The following DENND4C variants were observed in gnomAD, a reference collection of about 807,000 sequenced individuals.
DENND4C encodes DENN domain-containing protein 4C.
DENND4C carries 108 observed loss-of-function variants against 203.0 expected under a neutral mutation model. That is an observed-to-expected ratio of 0.53 (90% CI 0.46 to 0.62). The LOEUF (loss-of-function observed/expected upper bound fraction) is 0.62, where lower values mean the gene tolerates loss of function less well. Ranked by LOEUF, DENND4C falls within the 20% of genes least tolerant of loss-of-function variation. The probability of loss-of-function intolerance (pLI) is 0.00; values close to 1 mark genes in which losing one functional copy is unlikely to be tolerated. For missense variants in DENND4C, 2,481 were observed against 2,301.2 expected (o/e 1.08, Z -1.60); for synonymous variants, 871 against 792.4 (o/e 1.10, Z -1.67).
intron 1 of DENND4C, among the ~76,000 whole-genome samples, chr9:19,258,948 C>G (rs76786562): frequency 0.051 from 7,810 of 152,104 alleles, 350 homozygotes; most frequent in African/African-American, 0.12. Flanking sequence ...AGCCACCCTG[C>G]CTGGCCTAAA....
intron 2 of DENND4C, among the ~76,000 whole-genome samples, chr9:19,286,391 G>C (rs569495118): frequency 1.3e-5 from 2 of 152,036 alleles, no homozygotes; most frequent in African/African-American, 4.8e-5. Context: ...ATTATGAAGC[G>C]AATTTTTATG....
At chr9:19,281,832 T>G (rs1361159376) in intron 2 of DENND4C, among the ~76,000 whole-genome samples, 1 of 152,226 alleles carries the variant, frequency 6.6e-6, no homozygotes, top group African/African-American at 2.4e-5. Flanking sequence ...TACAGCATGT[T>G]ACTGGGGTAA....
At chr9:19,287,339 C>G (rs1303106508) in intron 3 of DENND4C, among the ~76,000 whole-genome samples, 1 of 152,110 alleles carries the variant, frequency 6.6e-6, no homozygotes, top group African/African-American at 2.4e-5. Context: ...GGTAGAAGCT[C>G]TCCTTACATT....
At chr9:19,303,682 A>G (rs1839055595) in intron 9 of DENND4C, among the ~76,000 whole-genome samples, 1 of 152,224 alleles carries the variant, frequency 6.6e-6, no homozygotes, top group Non-Finnish European at 1.5e-5. Context: ...CCAATCCTGA[A>G]TAACCCTCTG....
chr9:19,292,610 A>C (rs939908015), intron 5 of DENND4C: 1 of 151,444 alleles, frequency 6.6e-6, no homozygotes. Flanking sequence ...CAATGGCACA[A>C]TCTGGGCTCA....
rs1819285423 is a variant in DENND4C, at chr9:19,331,838, C to T, written c.2254-140C>T. On this transcript the variant is annotated intron_variant, in intron 16 of 32. Transcript: ENST00000434457. ...CCATTAACACTGATAAGCAGGAAGCCACTCACAAAAGTCAACTTTGAAGTG... is the reference window on the plus strand; with the variant it reads ...CCATTAACACTGATAAGCAGGAAGCTACTCACAAAAGTCAACTTTGAAGTG... 4.5e-6 allele frequency: 3 copies of T among 673,764 alleles called. No homozygotes were observed. In the East Asian group the frequency reaches 8.2e-5, roughly 18 times the overall value. 41.7% of individuals were successfully genotyped at this position (673,764 alleles called of 1,614,324 possible).
chr9:19,317,154 T>G (rs967686943), intron 12 of DENND4C, among the ~76,000 whole-genome samples: 2 of 151,748 alleles, frequency 1.3e-5, no homozygotes, highest in African/African-American at 4.8e-5. Context: ...ATTTCCTCAA[T>G]TTTGCATAGT....
chr9:19,342,893 A>G, intron 22 of DENND4C, 114 bp downstream of exon 22: 1 of 846,612 alleles, frequency 1.2e-6, no homozygotes, highest in Non-Finnish European at 1.6e-6. Flanking sequence ...CTAAAGAGCC[A>G]GAAGGGACTT....
chr9:19,289,310 A>G (rs539265891), intron 4 of DENND4C, among the ~76,000 whole-genome samples: 178 of 152,334 alleles, frequency 1.2e-3, no homozygotes, highest in Non-Finnish European at 2.0e-3. Context: ...AGTTGTAAAT[A>G]GAAAAGATAC....
At chr9:19,352,742 C>G in intron 26 of DENND4C, 77 bp downstream of exon 26, 1 of 1,199,852 alleles carries the variant, frequency 8.3e-7, no homozygotes, top group Non-Finnish European at 1.1e-6. Flanking sequence ...TGAAATATTC[C>G]TGGTATGCTC....
intron 2 of DENND4C, among the ~76,000 whole-genome samples, chr9:19,280,488 G>T (rs1486259097): frequency 1.3e-5 from 2 of 152,004 alleles, no homozygotes; most frequent in Non-Finnish European, 2.9e-5. Context: ...AGTTAAAATG[G>T]GTGTAAACAC....
At chr9:19,322,733 A>C (rs1357841532) in intron 12 of DENND4C, among the ~76,000 whole-genome samples, 1 of 104,750 alleles carries the variant, frequency 9.5e-6, no homozygotes, top group African/African-American at 5.7e-5. Context: ...CTTCATCTCA[A>C]AAAAAAAAAA....
At chr9:19,252,883 G>A (rs1194450071) in intron 1 of DENND4C, among the ~76,000 whole-genome samples, 1 of 152,020 alleles carries the variant, frequency 6.6e-6, no homozygotes, top group Non-Finnish European at 1.5e-5. Flanking sequence ...CCACAGGCAC[G>A]AGCCGCCACA....
At chr9:19,236,626 G>A (rs963163372) in intron 1 of DENND4C, among the ~76,000 whole-genome samples, 113 of 152,304 alleles carry the variant, frequency 7.4e-4, no homozygotes, top group African/African-American at 2.7e-3. Context: ...GAGACCGCAG[G>A]TTCATCATCC....
intron 31 of DENND4C, among the ~76,000 whole-genome samples, chr9:19,370,867 A>G (rs1828700140): frequency 6.6e-6 from 1 of 152,204 alleles, no homozygotes; most frequent in South Asian, 2.1e-4. Context: ...GTCCCCTTCA[A>G]GTTTTTTAGG....
rs1272546947 is a variant in DENND4C at position 19,335,010 on chromosome 9, C to T, written c.2494C>T (p.Leu832Phe). The change falls in exon 18 of 33, where the codon CTT becomes TTT. Residue 832 changes from leucine to phenylalanine, a missense_variant. By Grantham distance (22) the Leu-to-Phe change is conservative (BLOSUM62 0). Coordinates refer to ENST00000434457, the MANE Select transcript of DENND4C (RefSeq NM_001330640.2). ...CYRVVMQLCG[L>F]WGHPVLAVRV... ...TCGAGTAGTGATGCAGCTTTGTGGA[C>T]TTTGGGGTCATCCTGTTTTAGCAGT... The T allele has an allele frequency of 2.5e-6, 4 of 1,609,714 alleles. No individual in the cohort carries two copies. The East Asian group carries it at 8.9e-5, about 36-fold the overall frequency.
rs1825796811 is a variant in DENND4C at position 19,358,238 on chromosome 9, A to G, written c.5160+78A>G. On this transcript the variant is annotated intron_variant, in intron 28 of 32. Transcript: ENST00000434457. The surrounding 1 kb of genome is among the most constrained non-coding windows in gnomAD (Gnocchi z 4.8). Reference sequence around the variant, plus strand: ...AGTAGAACATTATAAATTCTTCTGTAGTGGACTTATTTTAATTACATGAAA... The same window carrying G: ...AGTAGAACATTATAAATTCTTCTGTGGTGGACTTATTTTAATTACATGAAA... 3.4e-6 allele frequency: 4 copies of G among 1,171,202 alleles called. No homozygotes were observed. Among genetic ancestry groups the G allele is most frequent in the East Asian group, 5.0e-5 (2 of 40,344 alleles). 72.6% of individuals were successfully genotyped at this position (1,171,202 alleles called of 1,614,324 possible). A position where few individuals can be genotyped will look rare whatever the true frequency, so the allele number is the denominator to read the frequency against.
At position 19,302,270 on chromosome 9, in the gene DENND4C, G is replaced by T. The variant is rs145985358; in HGVS notation, c.1311+1939G>T. Among the ~76,000 whole-genome samples the T allele has an allele frequency of 7.4e-3, 1,131 of 152,224 alleles. 18 individuals carry two copies. Among genetic ancestry groups the T allele is most frequent in the African/African-American group, 0.026 (1,095 of 41,558 alleles). On this transcript the variant is annotated intron_variant, in intron 9 of 32. Transcript: ENST00000434457. Reference sequence around the variant, plus strand: ...AAAGGAGAATGATTTAAATATCAAAGAATATCAAAGAATTAAGGGAGACCC... The same window carrying T: ...AAAGGAGAATGATTTAAATATCAAATAATATCAAAGAATTAAGGGAGACCC...
chr9:19,260,618 G>T (rs920512979), intron 1 of DENND4C, among the ~76,000 whole-genome samples: 1 of 152,098 alleles, frequency 6.6e-6, no homozygotes, highest in African/African-American at 2.4e-5. Flanking sequence ...GGCTGGTCTT[G>T]AACTCCTCAC....
Sources: gnomAD v4.1 joint callset for allele counts (sites outside exome capture counted in the v4.1 genomes callset) on GRCh38, gnomAD v4.1.1 for gene constraint, Gnocchi (gnomAD v3.1) non-coding constraint, MANE v1.5 for transcripts, NCBI Gene and HGNC (gene_info 2026-07-23, HGNC 2026-07-21) for gene names.